KCND2: variants seen among roughly 807,000 people sequenced by gnomAD.
KCND2 encodes A-type voltage-gated potassium channel KCND2.
A neutral mutation model predicts 54.4 loss-of-function variants in KCND2; 16 were observed. That is an observed-to-expected ratio of 0.29 (90% CI 0.20 to 0.45). The LOEUF is 0.45. Ranked by LOEUF, KCND2 falls within the 20% of genes least tolerant of loss-of-function variation. The probability of loss-of-function intolerance (pLI) is 1.00; values close to 1 mark genes in which losing one functional copy is unlikely to be tolerated. For synonymous variants in KCND2, 317 were observed against 310.7 expected (o/e 1.02, Z -0.21); for missense variants, 486 against 824.2 (o/e 0.59, Z 5.02).
chr7:120,435,516 A>G (rs905142459), intron 1 of KCND2, among the ~76,000 whole-genome samples: 1 of 152,118 alleles, frequency 6.6e-6, no homozygotes, highest in African/African-American at 2.4e-5. Flanking sequence ...CAGGTACAGA[A>G]TAAGAAAATC....
chr7:120,299,165 A>C (rs954196615), intron 1 of KCND2, among the ~76,000 whole-genome samples: 1 of 152,220 alleles, frequency 6.6e-6, no homozygotes, highest in African/African-American at 2.4e-5. Flanking sequence ...TGTCTAAAAA[A>C]AAAAATTGAG....
chr7:120,397,942 C>A (rs1159047618), intron 1 of KCND2, among the ~76,000 whole-genome samples: 1 of 140,254 alleles, frequency 7.1e-6, no homozygotes, highest in African/African-American at 2.7e-5. Flanking sequence ...AAAAAAAGTA[C>A]ATATACATAA....
intron 1 of KCND2, among the ~76,000 whole-genome samples, chr7:120,401,609 CATT>C (rs1801254765): frequency 6.6e-6 from 1 of 152,044 alleles, no homozygotes; most frequent in Admixed American, 6.6e-5. Context: ...ATAGATATTT[CATT>C]ATTAGAAATA....
At chr7:120,683,753 A>T (rs936093825) in intron 1 of KCND2, among the ~76,000 whole-genome samples, 1 of 152,282 alleles carries the variant, frequency 6.6e-6, no homozygotes, top group Admixed American at 6.5e-5. Context: ...AAAATAGAAA[A>T]ATAAAGGATT....
At position 120,384,998 on chromosome 7, in the gene KCND2, C is replaced by CTTTTTTT. The variant is rs372225817; in HGVS notation, c.1115+109269_1115+109275dup. Among the ~76,000 whole-genome samples, 57 of 82,528 alleles carry CTTTTTTT rather than the reference C, an allele frequency of 6.9e-4. 2 individuals are homozygous for CTTTTTTT. Among genetic ancestry groups the CTTTTTTT allele is most frequent in the Non-Finnish European group, 8.6e-4 (41 of 47,586 alleles). The allele number at this position is 82,528 out of a possible 152,430, so 54.1% of individuals were successfully genotyped here. A position where few individuals can be genotyped will look rare whatever the true frequency, so the allele number is the denominator to read the frequency against. Reference sequence around the variant, plus strand: ...TGTAAACAAAGGCATTTGTATATAACTTTTTTTTTTTTTTTTTTTTTTTTC... The same window carrying CTTTTTTT: ...TGTAAACAAAGGCATTTGTATATAACTTTTTTTTTTTTTTTTTTTTTTTTTTTTTTTC... On this transcript the variant is annotated intron_variant, in intron 1 of 5. Coordinates refer to ENST00000331113, the MANE Select transcript of KCND2 (RefSeq NM_012281.3).
chr7:120,410,315 T>G (rs1801430429), intron 1 of KCND2, among the ~76,000 whole-genome samples: 2 of 152,008 alleles, frequency 1.3e-5, no homozygotes, highest in Admixed American at 1.3e-4. Flanking sequence ...TTAAATGAAA[T>G]AATGTAATTT....
rs887213764 is a variant in KCND2, at chr7:120,631,883, T to C, written c.1116-101020T>C. On this transcript the variant is annotated intron_variant, in intron 1 of 5. Transcript: ENST00000331113. ...TTTCTTACTAAGGAATAACAGAGAA[T>C]GATTAAAATGATAGATACCCTATGT... Among the ~76,000 whole-genome samples the C allele has an allele frequency of 7.2e-4, 109 of 152,296 alleles. 2 individuals are homozygous for C. The highest frequency in any genetic ancestry group is 2.5e-3 in the African/African-American group (102 of 41,574).
At chr7:120,599,026 A>T (rs1438541957) in intron 1 of KCND2, among the ~76,000 whole-genome samples, 1 of 152,142 alleles carries the variant, frequency 6.6e-6, no homozygotes, top group African/African-American at 2.4e-5. Context: ...TAGATTGAGG[A>T]TCACTTTTTG....
chr7:120,458,778 A>G (rs1379632338), intron 1 of KCND2, among the ~76,000 whole-genome samples: 1 of 151,910 alleles, frequency 6.6e-6, no homozygotes, highest in East Asian at 1.9e-4. Context: ...TCTCTCATAT[A>G]TCATATCTAA....
intron 1 of KCND2, among the ~76,000 whole-genome samples, chr7:120,492,303 A>C (rs1055335857): frequency 2.6e-5 from 4 of 152,114 alleles, no homozygotes; most frequent in African/African-American, 9.6e-5. Context: ...TTTTAGACAA[A>C]CTTTTGAGTA....
intron 1 of KCND2, among the ~76,000 whole-genome samples, chr7:120,494,011 A>G (rs1802817985): frequency 6.6e-6 from 1 of 152,184 alleles, no homozygotes; most frequent in Non-Finnish European, 1.5e-5. Flanking sequence ...TCATAAATAA[A>G]TGAAAAGTGT....
intron 1 of KCND2, among the ~76,000 whole-genome samples, chr7:120,652,725 G>A (rs1791753348): frequency 6.6e-6 from 1 of 152,128 alleles, no homozygotes; most frequent in South Asian, 2.1e-4. Context: ...TCTAAGGTTT[G>A]TGTTTGGATG....
chr7:120,367,403 G>A (rs534578533), intron 1 of KCND2, among the ~76,000 whole-genome samples: 2 of 152,042 alleles, frequency 1.3e-5, no homozygotes, highest in East Asian at 1.9e-4. Flanking sequence ...TGCCTCTATG[G>A]TTTAGAACCA....
chr7:120,401,347 A>C (rs536182713), intron 1 of KCND2, among the ~76,000 whole-genome samples: 9 of 152,236 alleles, frequency 5.9e-5, no homozygotes, highest in Admixed American at 5.2e-4. Context: ...GGAACTAGGG[A>C]AGTATGTGCT....
intron 1 of KCND2, among the ~76,000 whole-genome samples, chr7:120,481,804 C>T (rs1030629431): frequency 6.6e-6 from 1 of 152,178 alleles, no homozygotes; most frequent in Non-Finnish European, 1.5e-5. Context: ...ACTAATTCTG[C>T]AGGCATGCAG....
intron 1 of KCND2, among the ~76,000 whole-genome samples, chr7:120,539,928 C>T (rs1791959427): frequency 6.6e-6 from 1 of 152,108 alleles, no homozygotes; most frequent in South Asian, 2.1e-4. Flanking sequence ...CCAGTTAACT[C>T]TGAAATCTTA....
intron 1 of KCND2, among the ~76,000 whole-genome samples, chr7:120,413,830 T>C (rs74457923): frequency 6.6e-6 from 1 of 152,014 alleles, no homozygotes; most frequent in African/African-American, 2.4e-5. Context: ...ATTTTTTTTT[T>C]CTATGGAAGG....
At chr7:120,363,074 G>A (rs1275977521) in intron 1 of KCND2, among the ~76,000 whole-genome samples, 1 of 152,044 alleles carries the variant, frequency 6.6e-6, no homozygotes, top group Non-Finnish European at 1.5e-5. Flanking sequence ...GTCGACATGG[G>A]AGGATCACTT....
chr7:120,603,434 G>A (rs182255533), intron 1 of KCND2, among the ~76,000 whole-genome samples: 219 of 152,276 alleles, frequency 1.4e-3, no homozygotes, highest in African/African-American at 4.9e-3. Flanking sequence ...TAGATTTTCT[G>A]AGCAGTAAAC....
Sources: gnomAD v4.1 joint callset for allele counts (sites outside exome capture counted in the v4.1 genomes callset) on GRCh38, gnomAD v4.1.1 for gene constraint, MANE v1.5 for transcripts, NCBI Gene and HGNC (gene_info 2026-07-23, HGNC 2026-07-21) for gene names.